The following CSMD1 variants were observed in gnomAD, a reference collection of about 807,000 sequenced individuals.
The protein encoded by CSMD1 is CUB and Sushi multiple domains 1, also known as CUB and sushi domain-containing protein 1.
A neutral mutation model predicts 417.5 loss-of-function variants in CSMD1; 213 were observed. That is an observed-to-expected ratio of 0.51 (90% CI 0.46 to 0.57). The LOEUF (loss-of-function observed/expected upper bound fraction) is 0.57. CSMD1 is among the 20% of genes least tolerant of loss of function. CSMD1 has a pLI of 0.00. For missense variants in CSMD1, 6,923 were observed against 4,529.7 expected (o/e 1.53, Z -15.17); for synonymous variants, 2,862 against 1,736.8 (o/e 1.65, Z -16.11).
intron 3 of CSMD1, among the ~76,000 whole-genome samples, chr8:4,132,366 C>T (rs1431594280): frequency 1.3e-5 from 2 of 152,092 alleles, no homozygotes; most frequent in Non-Finnish European, 1.5e-5. Flanking sequence ...TTGTAGAATA[C>T]ATCTTGACTT....
At chr8:4,951,482 G>T (rs1185421280) in intron 1 of CSMD1, among the ~76,000 whole-genome samples, 1 of 147,304 alleles carries the variant, frequency 6.8e-6, no homozygotes, top group Non-Finnish European at 1.5e-5. Context: ...GGAAGGAAAA[G>T]GAAACAGAAC....
chr8:3,045,351 C>A (rs1052194892), intron 50 of CSMD1, among the ~76,000 whole-genome samples: 1 of 152,088 alleles, frequency 6.6e-6, no homozygotes, highest in African/African-American at 2.4e-5. Context: ...GTCATTGTAA[C>A]TTCTTTAAAG....
At chr8:4,960,249 G>T (rs1297127147) in intron 1 of CSMD1, among the ~76,000 whole-genome samples, 1 of 152,132 alleles carries the variant, frequency 6.6e-6, no homozygotes, top group Admixed American at 6.6e-5. Flanking sequence ...TATCTTGAAG[G>T]AAATGGAAAA....
intron 47 of CSMD1, among the ~76,000 whole-genome samples, chr8:3,093,844 T>C (rs1280668427): frequency 2.0e-5 from 3 of 152,096 alleles, no homozygotes; most frequent in African/African-American, 7.2e-5. Flanking sequence ...AGAAATGATA[T>C]TAATAGATCT....
chr8:3,821,270 AAG>A (rs1801720603), intron 5 of CSMD1, among the ~76,000 whole-genome samples: 1 of 152,206 alleles, frequency 6.6e-6, no homozygotes, highest in Admixed American at 6.5e-5. Flanking sequence ...TAACAATCAA[AAG>A]TATAGGAAAT....
intron 3 of CSMD1, among the ~76,000 whole-genome samples, chr8:4,173,916 A>T (rs1365478154): frequency 1.3e-5 from 2 of 152,114 alleles, no homozygotes; most frequent in African/African-American, 2.4e-5. Flanking sequence ...CACATGGCTC[A>T]GGGTATGAAC....
At chr8:4,484,928 G>C (rs534798817) in intron 2 of CSMD1, among the ~76,000 whole-genome samples, 229 of 133,262 alleles carry the variant, frequency 1.7e-3, no homozygotes, top group African/African-American at 6.1e-3. Flanking sequence ...AGCCGAGATC[G>C]TGCCACTGCA....
chr8:3,536,710 C>T (rs984393242), intron 10 of CSMD1, among the ~76,000 whole-genome samples: 1 of 152,134 alleles, frequency 6.6e-6, no homozygotes, highest in Non-Finnish European at 1.5e-5. Context: ...AGAGCAGCCT[C>T]CCTCCTCCGG....
At chr8:4,424,554 T>C (rs993829138) in intron 2 of CSMD1, among the ~76,000 whole-genome samples, 4 of 152,040 alleles carry the variant, frequency 2.6e-5, no homozygotes, top group Non-Finnish European at 5.9e-5. Context: ...CAACATCACA[T>C]GCTGGCTAGA....
chr8:3,618,609 T>C (rs1802261363), intron 7 of CSMD1, among the ~76,000 whole-genome samples: 1 of 152,100 alleles, frequency 6.6e-6, no homozygotes, highest in Non-Finnish European at 1.5e-5. Flanking sequence ...ATAGCATCAG[T>C]AGATAGTGAG....
intron 1 of CSMD1, among the ~76,000 whole-genome samples, chr8:4,785,980 G>C (rs79362807): frequency 0.011 from 1,603 of 152,282 alleles, 13 homozygotes; most frequent in East Asian, 0.057. Flanking sequence ...CATCCTGCAT[G>C]GTAGCCAGGT....
intron 3 of CSMD1, among the ~76,000 whole-genome samples, chr8:4,098,146 T>C (rs1801118639): frequency 6.6e-6 from 1 of 152,196 alleles, no homozygotes; most frequent in African/African-American, 2.4e-5. Flanking sequence ...TATAAAACCC[T>C]TGTAAATTAG....
At chr8:3,999,245 A>G (rs73658528) in intron 4 of CSMD1, among the ~76,000 whole-genome samples, 237 of 152,092 alleles carry the variant, frequency 1.6e-3, no homozygotes, top group African/African-American at 5.3e-3. Context: ...TGTGGATGAT[A>G]TGTAAAAGTC....
At chr8:4,388,882 C>G (rs1224282077) in intron 3 of CSMD1, among the ~76,000 whole-genome samples, 2 of 152,136 alleles carry the variant, frequency 1.3e-5, no homozygotes, top group African/African-American at 2.4e-5. Context: ...TGAAACGTCT[C>G]CTCTTCATCT....
intron 2 of CSMD1, among the ~76,000 whole-genome samples, chr8:4,553,556 T>C (rs967862003): frequency 6.6e-6 from 1 of 152,128 alleles, no homozygotes. Context: ...AGCTATCATA[T>C]TTAAGAACAC....
At chr8:4,435,805 T>A (rs926144915) in intron 2 of CSMD1, among the ~76,000 whole-genome samples, 3 of 152,212 alleles carry the variant, frequency 2.0e-5, no homozygotes. Flanking sequence ...AGACAGACCG[T>A]GTCCCGAACA....
At chr8:4,194,465 C>A (rs145583651) in intron 3 of CSMD1, among the ~76,000 whole-genome samples, 3 of 152,092 alleles carry the variant, frequency 2.0e-5, no homozygotes, top group African/African-American at 4.8e-5. Context: ...ATTACAATAG[C>A]GCCCTGTCAC....
At chr8:3,021,403 G>C (rs1211270664) in intron 51 of CSMD1, among the ~76,000 whole-genome samples, 1 of 152,204 alleles carries the variant, frequency 6.6e-6, no homozygotes, top group Non-Finnish European at 1.5e-5. Context: ...TTGCCTGACT[G>C]AAAAGGGGAA....
intron 2 of CSMD1, among the ~76,000 whole-genome samples, chr8:4,456,688 C>T (rs565283605): frequency 6.6e-6 from 1 of 152,104 alleles, no homozygotes; most frequent in Non-Finnish European, 1.5e-5. Context: ...TGGATGCTGG[C>T]TCTGGTGGAA....
Sources: gnomAD v4.1 joint callset for allele counts (sites outside exome capture counted in the v4.1 genomes callset) on GRCh38, gnomAD v4.1.1 for gene constraint, MANE v1.5 for transcripts, NCBI Gene and HGNC (gene_info 2026-07-23, HGNC 2026-07-21) for gene names.